The following FLYWCH1 variants were observed in gnomAD, a reference collection of about 807,000 sequenced individuals.
FLYWCH1 encodes FLYWCH-type zinc finger-containing protein 1.
FLYWCH1 carries 75 observed loss-of-function variants against 66.4 expected under a neutral mutation model. That is an observed-to-expected ratio of 1.13 (90% CI 0.94 to 1.37). FLYWCH1 has a LOEUF of 1.37. FLYWCH1 is among the 40% of genes most tolerant of loss of function. FLYWCH1 has a pLI of 0.00. For missense variants in FLYWCH1, 1,334 were observed against 1,001.8 expected (o/e 1.33, Z -4.48); for synonymous variants, 595 against 429.9 (o/e 1.38, Z -4.75).
chr16:2,918,539 C>T (rs998199732), intron 2 of FLYWCH1, among the ~76,000 whole-genome samples: 8 of 151,196 alleles, frequency 5.3e-5, no homozygotes, highest in South Asian at 4.2e-4. Context: ...CTCCCGGTTT[C>T]GAGTGACTCT....
At chr16:2,924,279 C>G (rs916526439) in intron 2 of FLYWCH1, among the ~76,000 whole-genome samples, 2 of 150,608 alleles carry the variant, frequency 1.3e-5, no homozygotes, top group Non-Finnish European at 2.9e-5. Context: ...TGCAGTGAGC[C>G]GAGATCCGAG....
intron 2 of FLYWCH1, among the ~76,000 whole-genome samples, chr16:2,918,622 G>A (rs929431047): frequency 3.3e-5 from 5 of 151,242 alleles, no homozygotes. Flanking sequence ...TGTATTTTCA[G>A]TAGAGACGGG....
At chr16:2,938,063 G>A (rs75310238) in intron 7 of FLYWCH1, 121 bp from the exon 8 acceptor site, 55,969 of 954,642 alleles carry the variant, frequency 0.059, 1,907 homozygotes, top group Middle Eastern at 0.097. Context: ...AGGGACCACC[G>A]TGCAGCGTGC....
chr16:2,928,221 G>C (rs574914004), intron 2 of FLYWCH1, among the ~76,000 whole-genome samples: 174 of 152,162 alleles, frequency 1.1e-3, no homozygotes, highest in Non-Finnish European at 2.2e-3. Context: ...GCCATTCCCA[G>C]GGACGAGCAG....
chr16:2,932,116 T>C (rs1390352245), intron 4 of FLYWCH1, among the ~76,000 whole-genome samples: 2 of 30,692 alleles, frequency 6.5e-5, no homozygotes, highest in African/African-American at 2.5e-4. Flanking sequence ...AGACTCTGTC[T>C]CAAAAAAAAA....
rs757277 is a variant in FLYWCH1 at position 2,951,034 on chromosome 16, G to A, written c.*2307G>A. 0.38 allele frequency: 58,158 copies of A among 152,262 alleles called. 12,029 individuals carry two copies. Among genetic ancestry groups the A allele is most frequent in the African/African-American group, 0.54 (22,454 of 41,504 alleles). The allele number at this position is 152,262 out of a possible 1,614,324, so 9.4% of individuals were successfully genotyped here. A position where few individuals can be genotyped will look rare whatever the true frequency, so the allele number is the denominator to read the frequency against. ...ACGCTGGCCGCGGAGCGTGCAGCCC[G>A]GCAGCAGCTCAGCGGGGCAGCTCCT... On this transcript the variant is annotated 3_prime_UTR_variant, in exon 10 of 10. Transcript: ENST00000253928.
chr16:2,939,794 A>T (rs545328575), intron 8 of FLYWCH1: 2 of 427,320 alleles, frequency 4.7e-6, no homozygotes, highest in Non-Finnish European at 8.4e-6. Flanking sequence ...TTCATCTTTG[A>T]TGTCTAGTTG....
intron 8 of FLYWCH1, chr16:2,939,721 A>G: frequency 3.5e-6 from 1 of 289,610 alleles, no homozygotes; most frequent in South Asian, 4.0e-5. Flanking sequence ...TTTTTGAGAA[A>G]AGGATTTCTT....
In FLYWCH1 at chr16:2,942,898, C is replaced by T. The variant is rs143559054; in HGVS notation, c.2111+2806C>T. ...TGTATTTTTAGTGGAGACGGGGTTTCGCTATGTTGGCTAGGCTGGTCACGA... is the reference window on the plus strand; with the variant it reads ...TGTATTTTTAGTGGAGACGGGGTTTTGCTATGTTGGCTAGGCTGGTCACGA... On this transcript the variant is annotated intron_variant, in intron 9 of 9. Coordinates refer to ENST00000253928, the MANE Select transcript of FLYWCH1 (RefSeq NM_001308068.2). Among the ~76,000 whole-genome samples, 12 of 151,740 alleles carry T rather than the reference C, an allele frequency of 7.9e-5. No homozygotes were observed. In the East Asian group the frequency reaches 1.2e-3, roughly 15 times the overall value.
intron 2 of FLYWCH1, chr16:2,922,609 T>C (rs1412363796): frequency 2.9e-6 from 1 of 346,176 alleles, no homozygotes; most frequent in African/African-American, 2.2e-5. Context: ...CAGATTTTTT[T>C]ATGGTGAAAA....
rs376054351 is a variant in FLYWCH1 at position 2,933,926 on chromosome 16, A to G, written c.1460A>G (p.Glu487Gly). 1 of 1,569,184 alleles carries G rather than the reference A, an allele frequency of 6.4e-7. No homozygotes were observed. Among genetic ancestry groups the G allele is most frequent in the Admixed American group, 1.9e-5 (1 of 52,828 alleles). ...CACCCGCCCGACCTGGGAGGCCTGG[A>G]GGCCCTGAGGCAGCGGGAGAAACGC... ...HCHPPDLGGLEALRQREKRPN... is the reference protein window; with the variant it reads ...HCHPPDLGGLGALRQREKRPN... Residue 487 changes from glutamate to glycine, a missense_variant, in exon 6 of 10, where the codon GAG (glutamate) becomes GGG (glycine). By Grantham distance (98) the Glu-to-Gly change is moderately conservative. Coordinates refer to ENST00000253928, the MANE Select transcript of FLYWCH1 (RefSeq NM_001308068.2).
At chr16:2,923,078 T>C (rs1026420814) in intron 2 of FLYWCH1, 2 of 417,762 alleles carry the variant, frequency 4.8e-6, no homozygotes, top group African/African-American at 4.1e-5. Flanking sequence ...TCTATTTTTT[T>C]TATAGTTTGT....
At chr16:2,939,998 T>C (rs117642901) in intron 8 of FLYWCH1, 34 bp from the exon 9 acceptor site, 20,550 of 1,572,046 alleles carry the variant, frequency 0.013, 180 homozygotes, top group Non-Finnish European at 0.015. Flanking sequence ...AAGAGAAGAA[T>C]TATTAATTCA....
intron 2 of FLYWCH1, among the ~76,000 whole-genome samples, chr16:2,923,907 C>T (rs1384424944): frequency 1.3e-5 from 2 of 152,022 alleles, no homozygotes; most frequent in Admixed American, 6.6e-5. Flanking sequence ...GGCATGTTGG[C>T]GGGCACCTGT....
chr16:2,938,100 C>A, intron 7 of FLYWCH1, 84 bp from the exon 8 acceptor site: 3 of 1,368,666 alleles, frequency 2.2e-6, no homozygotes, highest in African/African-American at 1.5e-5. Context: ...CCTGGTGGGG[C>A]CTGGCTGGGG....
intron 2 of FLYWCH1, chr16:2,922,705 G>A (rs2070417310): frequency 2.0e-6 from 1 of 493,258 alleles, no homozygotes; most frequent in Non-Finnish European, 4.0e-6. Flanking sequence ...TCCTGATCAG[G>A]AGCCAGTGGA....
At chr16:2,927,288 G>C (rs984998558) in intron 2 of FLYWCH1, among the ~76,000 whole-genome samples, 1 of 152,200 alleles carries the variant, frequency 6.6e-6, no homozygotes, top group African/African-American at 2.4e-5. Context: ...AAAACAGGGA[G>C]ATCTTGAGGC....
intron 2 of FLYWCH1, among the ~76,000 whole-genome samples, chr16:2,923,819 C>G (rs1313458924): frequency 2.6e-5 from 4 of 152,174 alleles, no homozygotes; most frequent in Admixed American, 6.6e-5. Flanking sequence ...GGGTGGATCA[C>G]TTGAGGTCAC....
intron 3 of FLYWCH1, 117 bp from the exon 4 acceptor site, chr16:2,930,293 G>T (rs1055258776): frequency 3.0e-6 from 2 of 675,388 alleles, no homozygotes; most frequent in Non-Finnish European, 4.9e-6. Flanking sequence ...TCTTGCTTGG[G>T]AGCAGGAGGA....
Sources: allele counts gnomAD v4.1 joint callset (sites outside exome capture counted in the v4.1 genomes callset), GRCh38; gene constraint gnomAD v4.1.1; transcripts MANE v1.5; gene names NCBI Gene and HGNC (gene_info 2026-07-23, HGNC 2026-07-21).